Variants in IGF2BP2 observed in about 807,000 individuals in gnomAD.
The protein encoded by IGF2BP2 is insulin like growth factor 2 mRNA binding protein 2.
Under a neutral mutation model 75.8 loss-of-function variants are expected in IGF2BP2, and 17 were observed. The observed-to-expected ratio is 0.22, with a 90% CI of 0.15 to 0.34. IGF2BP2 has a LOEUF of 0.34. IGF2BP2 is among the 10% of genes least tolerant of loss of function. The probability of loss-of-function intolerance (pLI) is 1.00; values close to 1 mark genes in which losing one functional copy is unlikely to be tolerated. For synonymous variants in IGF2BP2, 288 were observed against 295.6 expected, an observed-to-expected ratio of 0.97 and a Z score of 0.26; for missense variants, 516 against 772.4, an observed-to-expected ratio of 0.67 and a Z score of 3.93.
At chr3:185,681,840 T>G (rs932978204) in intron 7 of IGF2BP2, among the ~76,000 whole-genome samples, 10 of 152,092 alleles carry the variant, frequency 6.6e-5, no homozygotes, top group African/African-American at 1.2e-4. Context: ...CAGCAGATGG[T>G]GCTGGGGAAA....
chr3:185,675,120 T>A, intron 9 of IGF2BP2, 176 bp downstream of exon 9: 2 of 520,644 alleles, frequency 3.8e-6, no homozygotes, highest in East Asian at 6.8e-5. Flanking sequence ...TCACGTGATG[T>A]TGTCCAGCGC....
chr3:185,646,636 T>A (rs1032178664), intron 15 of IGF2BP2, among the ~76,000 whole-genome samples: 1 of 152,114 alleles, frequency 6.6e-6, no homozygotes, highest in Admixed American at 6.5e-5. Context: ...GTGCTCAGGC[T>A]TTCAGGGAGG....
chr3:185,704,702 G>C (rs916582081), intron 2 of IGF2BP2, among the ~76,000 whole-genome samples: 2 of 152,008 alleles, frequency 1.3e-5, no homozygotes, highest in African/African-American at 4.8e-5. Flanking sequence ...AGCCCACCTT[G>C]TCCTCCCAAA....
intron 10 of IGF2BP2, among the ~76,000 whole-genome samples, chr3:185,664,368 T>A (rs1716951117): frequency 6.6e-6 from 1 of 152,186 alleles, no homozygotes; most frequent in Non-Finnish European, 1.5e-5. Flanking sequence ...CCCTAAGGAT[T>A]GTAATTATGC....
At chr3:185,749,193 TTC>T (rs1249705019) in intron 2 of IGF2BP2, among the ~76,000 whole-genome samples, 3 of 151,976 alleles carry the variant, frequency 2.0e-5, no homozygotes, top group Non-Finnish European at 4.4e-5. Context: ...GAAAAAAAAA[TTC>T]TCTCTTTTCT....
At chr3:185,652,217 G>T (rs1412640336) in intron 12 of IGF2BP2, 49 bp from the exon 13 acceptor site, 2 of 1,507,710 alleles carry the variant, frequency 1.3e-6, no homozygotes, top group Non-Finnish European at 1.8e-6. Flanking sequence ...GCATTCCCCA[G>T]CCCCTCTTTC....
chr3:185,760,584 A>AGCTG (rs1732229834), intron 2 of IGF2BP2, among the ~76,000 whole-genome samples: 1 of 152,110 alleles, frequency 6.6e-6, no homozygotes, highest in Non-Finnish European at 1.5e-5. Flanking sequence ...GGCAACCACC[A>AGCTG]GCTGGCTTTC....
intron 13 of IGF2BP2, among the ~76,000 whole-genome samples, chr3:185,650,916 CTTTA>C (rs1045049611): frequency 1.3e-4 from 20 of 152,054 alleles, no homozygotes; most frequent in Admixed American, 3.3e-4. Context: ...CACACGTGGC[CTTTA>C]TTTATTTTGA....
rs767477698 is a variant in IGF2BP2, at chr3:185,689,345, A to G, written c.677+10T>C. ...CAGAAGGAAGCAAAGGAAGCCCCACAGGCACGTACCGGGACTGGGTCTGCT... is the reference window on the plus strand; with the variant it reads ...CAGAAGGAAGCAAAGGAAGCCCCACGGGCACGTACCGGGACTGGGTCTGCT... On this transcript the variant is annotated intron_variant, in intron 6 of 15. Transcript: ENST00000382199. The G allele has an allele frequency of 6.2e-7, 1 of 1,610,574 alleles. No individual in the cohort carries two copies. Among genetic ancestry groups the G allele is most frequent in the Admixed American group, 1.7e-5 (1 of 59,694 alleles).
intron 2 of IGF2BP2, among the ~76,000 whole-genome samples, chr3:185,702,380 T>C (rs1383942715): frequency 6.6e-6 from 1 of 152,124 alleles, no homozygotes; most frequent in Admixed American, 6.6e-5. Context: ...AGTATCTGGC[T>C]CAGTCTCAAA....
chr3:185,716,382 T>A, intron 2 of IGF2BP2: 1 of 445,216 alleles, frequency 2.2e-6, no homozygotes, highest in South Asian at 1.7e-5. Context: ...CTTATAAATA[T>A]GCTCTGTGTT....
At position 185,696,803 on chromosome 3, in the gene IGF2BP2, G is replaced by T. The variant is rs1722639330; in HGVS notation, c.289-140C>A. On this transcript the variant is annotated intron_variant, in intron 3 of 15. Transcript: ENST00000382199. ...TAATCTAATTAAATTGATATCTCAG[G>T]TCTTCCATAAAAACAGTTAGAACTG... 4.2e-6 allele frequency: 3 copies of T among 717,480 alleles called. No individual in the cohort carries two copies. In the Admixed American group the frequency reaches 7.6e-5, roughly 18 times the overall value. 44.4% of individuals were successfully genotyped at this position (717,480 alleles called of 1,614,324 possible). A position where few individuals can be genotyped will look rare whatever the true frequency, so the allele number is the denominator to read the frequency against.
At chr3:185,800,711 C>CA (rs1738096936) in intron 2 of IGF2BP2, among the ~76,000 whole-genome samples, 3 of 130,996 alleles carry the variant, frequency 2.3e-5, no homozygotes, top group Admixed American at 1.6e-4. Context: ...GGTGACTGAG[C>CA]CAAAAAAAAA....
At chr3:185,720,996 T>C (rs1045753933) in intron 2 of IGF2BP2, among the ~76,000 whole-genome samples, 3 of 152,164 alleles carry the variant, frequency 2.0e-5, no homozygotes, top group Non-Finnish European at 4.4e-5. Flanking sequence ...CTACAAGTTG[T>C]GTGTGCACAC....
chr3:185,657,393 G>A lies in IGF2BP2; in HGVS notation c.1279C>T (p.Gln427Ter). The change falls in exon 12 of 16, where the codon CAG becomes TAG. Residue 427 changes from glutamine to a stop codon, truncating the protein, a stop_gained. Transcript: ENST00000382199. LOFTEE classifies it high-confidence loss of function. ...PFPHHHSYPE[Q>*]EIVNLFIPTQ... ...GGGATGAAGAGATTCACAATCTCCT[G>A]CTCTGGATACTGGGAGGGCGAGACA... 6.2e-7 allele frequency: 1 copy of A among 1,612,060 alleles called. No individual in the cohort carries two copies. The highest frequency in any genetic ancestry group is 8.5e-7 in the Non-Finnish European group (1 of 1,178,514).
chr3:185,650,065 C>T (rs1202344161), intron 13 of IGF2BP2, among the ~76,000 whole-genome samples: 9 of 149,978 alleles, frequency 6.0e-5, no homozygotes, highest in Middle Eastern at 3.5e-3. Flanking sequence ...TGCAGTGGCA[C>T]GATCATAGCT....
intron 2 of IGF2BP2, among the ~76,000 whole-genome samples, chr3:185,787,892 A>G (rs939645338): frequency 6.6e-6 from 1 of 152,196 alleles, no homozygotes; most frequent in African/African-American, 2.4e-5. Flanking sequence ...ATTTGTTAAT[A>G]ATTTGTTTTG....
intron 2 of IGF2BP2, chr3:185,722,269 T>C (rs1475833991): frequency 2.2e-6 from 1 of 456,186 alleles, no homozygotes; most frequent in Non-Finnish European, 4.4e-6. Context: ...GGGGTGAAAC[T>C]GAGGCACAAA....
chr3:185,761,382 A>G (rs780609182), intron 2 of IGF2BP2, among the ~76,000 whole-genome samples: 1 of 152,218 alleles, frequency 6.6e-6, no homozygotes, highest in African/African-American at 2.4e-5. Flanking sequence ...CAGACATGGA[A>G]GGTATCACTC....
Sources: gnomAD v4.1 joint callset for allele counts (sites outside exome capture counted in the v4.1 genomes callset) on GRCh38, gnomAD v4.1.1 for gene constraint, MANE v1.5 for transcripts, NCBI Gene and HGNC (gene_info 2026-07-23, HGNC 2026-07-21) for gene names.